Variants in FRMD5 observed in about 807,000 individuals in gnomAD.
FRMD5 encodes FERM domain-containing protein 5.
In FRMD5, 20 loss-of-function variants were observed where a neutral mutation model predicts 69.0. That is an observed-to-expected ratio of 0.29 (90% CI 0.20 to 0.42). FRMD5 has a LOEUF of 0.42. FRMD5 is among the 10% of genes least tolerant of loss of function. FRMD5 has a pLI of 1.00. For synonymous variants in FRMD5, 271 were observed against 260.1 expected, an observed-to-expected ratio of 1.04 and a Z score of -0.40; for missense variants, 595 against 708.6, an observed-to-expected ratio of 0.84 and a Z score of 1.82.
At chr15:44,065,691 T>C (rs1893280729) in intron 1 of FRMD5, among the ~76,000 whole-genome samples, 1 of 152,192 alleles carries the variant, frequency 6.6e-6, no homozygotes, top group South Asian at 2.1e-4. Context: ...GAGAGACTGC[T>C]ACCACCTACC....
chr15:44,063,662 C>A, intron 1 of FRMD5: 1 of 426,374 alleles, frequency 2.3e-6, no homozygotes, highest in Non-Finnish European at 4.5e-6. Context: ...TAGTATGATT[C>A]CACCCATAGC....
At chr15:44,084,722 T>A (rs1894126577) in intron 1 of FRMD5, among the ~76,000 whole-genome samples, 2 of 151,042 alleles carry the variant, frequency 1.3e-5, no homozygotes, top group African/African-American at 4.9e-5. Context: ...ACTTTAAATT[T>A]AAATTGTACA....
chr15:43,908,918 G>C (rs191002681), intron 5 of FRMD5, among the ~76,000 whole-genome samples: 2 of 152,186 alleles, frequency 1.3e-5, no homozygotes, highest in Admixed American at 6.5e-5. Context: ...AGATTTGCCT[G>C]AGAGGATGGG....
rs756682476 is a variant in FRMD5, at chr15:43,905,869, C to G, written c.510G>C (p.Lys170Asn). The change falls in exon 6 of 14, where the codon AAG becomes AAC. Residue 170 changes from lysine to asparagine, a missense_variant. Around this residue, in one of 5 missense-constraint regions of FRMD5, gnomAD observed 51 missense variants for 41.7 expected, o/e 1.22. Coordinates refer to ENST00000417257, the MANE Select transcript of FRMD5 (RefSeq NM_032892.5). ...GAATCTCAGCAATTTTCCTTTCCAGCTTCTCTGAATGTTTAGGGAAAAACT... is the reference window on the plus strand; with the variant it reads ...GAATCTCAGCAATTTTCCTTTCCAGGTTCTCTGAATGTTTAGGGAAAAACT... ...KFQFFPKHSE[K>N]LERKIAEIHK... is the part of the protein sequence containing the mutation. 1.2e-6 allele frequency: 2 copies of G among 1,614,218 alleles called. No individual in the cohort carries two copies. Among genetic ancestry groups the G allele is most frequent in the Non-Finnish European group, 1.7e-6 (2 of 1,180,022 alleles).
At chr15:44,170,041 T>C (rs916241166) in intron 1 of FRMD5, among the ~76,000 whole-genome samples, 2 of 152,158 alleles carry the variant, frequency 1.3e-5, no homozygotes, top group African/African-American at 4.8e-5. Context: ...TTTTTAAAGT[T>C]TTCTTCTCAA....
At chr15:43,959,647 T>C (rs1395873501) in intron 1 of FRMD5, among the ~76,000 whole-genome samples, 1 of 152,208 alleles carries the variant, frequency 6.6e-6, no homozygotes, top group Non-Finnish European at 1.5e-5. Flanking sequence ...CCAGGGCTAA[T>C]ACTCCATCAC....
At chr15:44,012,346 T>C (rs1054874461) in intron 1 of FRMD5, among the ~76,000 whole-genome samples, 1 of 152,226 alleles carries the variant, frequency 6.6e-6, no homozygotes, top group Non-Finnish European at 1.5e-5. Flanking sequence ...GATATTCTTT[T>C]GACACATCTA....
intron 1 of FRMD5, among the ~76,000 whole-genome samples, chr15:44,089,728 T>C (rs1475124615): frequency 1.3e-5 from 2 of 151,942 alleles, no homozygotes; most frequent in African/African-American, 2.4e-5. Flanking sequence ...CACTTCCTAA[T>C]AGAAGGCATT....
At chr15:44,076,512 C>G (rs1450852294) in intron 1 of FRMD5, among the ~76,000 whole-genome samples, 1 of 150,464 alleles carries the variant, frequency 6.6e-6, no homozygotes. Context: ...TCTCAGTAAA[C>G]TATCGCAAGA....
chr15:44,080,998 T>G (rs111473228), intron 1 of FRMD5, among the ~76,000 whole-genome samples: 2,208 of 152,186 alleles, frequency 0.015, 30 homozygotes, highest in African/African-American at 0.029. Context: ...TGAGATTTTT[T>G]TTGTTGTTGT....
At chr15:44,118,989 G>A (rs191270994) in intron 1 of FRMD5, among the ~76,000 whole-genome samples, 1 of 151,440 alleles carries the variant, frequency 6.6e-6, no homozygotes, top group African/African-American at 2.4e-5. Flanking sequence ...TTTAGACAGG[G>A]TCTTGCTCTG....
chr15:44,044,294 G>A (rs1892334956), intron 1 of FRMD5, among the ~76,000 whole-genome samples: 1 of 152,214 alleles, frequency 6.6e-6, no homozygotes, highest in African/African-American at 2.4e-5. Context: ...AGGATGTGGG[G>A]AAATAGGAAC....
At chr15:43,979,912 A>G (rs2090522514) in intron 1 of FRMD5, among the ~76,000 whole-genome samples, 1 of 152,246 alleles carries the variant, frequency 6.6e-6, no homozygotes, top group African/African-American at 2.4e-5. Flanking sequence ...TGCTGTGAAA[A>G]TAAAGACTTG....
chr15:44,143,741 C>T (rs955241936), intron 1 of FRMD5, among the ~76,000 whole-genome samples: 3 of 150,986 alleles, frequency 2.0e-5, no homozygotes, highest in Non-Finnish European at 2.9e-5. Flanking sequence ...CTGGCTAACG[C>T]GGTGAAACCC....
intron 1 of FRMD5, among the ~76,000 whole-genome samples, chr15:44,006,707 T>C (rs1365198967): frequency 1.3e-5 from 2 of 152,198 alleles, no homozygotes; most frequent in Admixed American, 6.5e-5. Context: ...GTGGTAGAGA[T>C]AGCAAGAAAA....
chr15:44,164,364 GTTCACATA>G (rs1215935051), intron 1 of FRMD5, among the ~76,000 whole-genome samples: 25 of 151,800 alleles, frequency 1.6e-4, no homozygotes, highest in African/African-American at 5.8e-4. Context: ...TACTTACCAT[GTTCACATA>G]TTATTGGTCA....
At chr15:43,930,590 C>A (rs1367411753) in intron 1 of FRMD5, among the ~76,000 whole-genome samples, 9 of 152,204 alleles carry the variant, frequency 5.9e-5, no homozygotes, top group African/African-American at 2.2e-4. Context: ...TGCTTCTTAG[C>A]CACTGTTCTC....
At chr15:44,029,726 C>CATTAAA (rs929257613) in intron 1 of FRMD5, among the ~76,000 whole-genome samples, 2 of 152,184 alleles carry the variant, frequency 1.3e-5, no homozygotes, top group African/African-American at 4.8e-5. Context: ...CTAGCAATAA[C>CATTAAA]ATTAAAATTA....
At chr15:44,037,469 CT>C (rs777164587) in intron 1 of FRMD5, among the ~76,000 whole-genome samples, 4,888 of 137,446 alleles carry the variant, frequency 0.036, 178 homozygotes, top group African/African-American at 0.11. Context: ...TGTCTTTTCT[CT>C]TTTTTTTTTT....
Sources: gnomAD v4.1 joint callset for allele counts (sites outside exome capture counted in the v4.1 genomes callset) on GRCh38, gnomAD v4.1.1 for gene constraint, gnomAD v4.1.1 regional missense constraint, MANE v1.5 for transcripts, NCBI Gene and HGNC (gene_info 2026-07-23, HGNC 2026-07-21) for gene names.